PHKB: variants seen among roughly 807,000 people sequenced by gnomAD.
PHKB encodes phosphorylase b kinase regulatory subunit beta.
Under a neutral mutation model 152.1 loss-of-function variants are expected in PHKB, and 122 were observed. The ratio of observed to expected loss-of-function variants is 0.80; its 90% CI spans 0.69 to 0.93. The LOEUF (loss-of-function observed/expected upper bound fraction) is 0.93, where lower values mean the gene tolerates loss of function less well. Among genes scored for constraint, PHKB ranks in the 40% least tolerant of loss-of-function variants. The pLI is 0.00. For missense variants in PHKB, 1,304 were observed against 1,328.4 expected (o/e 0.98, Z 0.29); for synonymous variants, 436 against 464.9 (o/e 0.94, Z 0.80).
intron 7 of PHKB, among the ~76,000 whole-genome samples, chr16:47,553,270 T>C (rs1971306356): frequency 6.6e-6 from 1 of 152,130 alleles, no homozygotes; most frequent in African/African-American, 2.4e-5. Context: ...CTTCTCGCTT[T>C]ATTTCATTAA....
At chr16:47,662,482 A>G (rs1973461502) in intron 23 of PHKB, among the ~76,000 whole-genome samples, 1 of 152,196 alleles carries the variant, frequency 6.6e-6, no homozygotes, top group Non-Finnish European at 1.5e-5. Context: ...ATACTCTGTT[A>G]AGAGGTGTGT....
intron 25 of PHKB, among the ~76,000 whole-genome samples, chr16:47,668,541 C>T (rs1973579633): frequency 6.6e-6 from 1 of 152,160 alleles, no homozygotes; most frequent in Admixed American, 6.5e-5. Context: ...GAGAGACCAG[C>T]TTATTCCCCT....
chr16:47,621,079 G>A (rs1972609914), intron 14 of PHKB, among the ~76,000 whole-genome samples: 1 of 152,198 alleles, frequency 6.6e-6, no homozygotes, highest in South Asian at 2.1e-4. Flanking sequence ...ATTCACTGCA[G>A]TATAATCTGG....
At position 47,665,955 on chromosome 16, in the gene PHKB, C is replaced by T. The variant is rs766475317; in HGVS notation, c.2427+980C>T. 53 of 1,613,702 alleles carry T rather than the reference C, an allele frequency of 3.3e-5. 1 individual carries two copies. The highest frequency in any genetic ancestry group is 2.1e-4 in the African/African-American group (16 of 75,010). On this transcript the variant is annotated intron_variant, in intron 25 of 30. Transcript: ENST00000323584. ...CTTTGCCCCCAGGTCGGTTGTACGC[C>T]GTGCAGCAAGTCTTTTAAGTAAAGT...
intron 7 of PHKB, among the ~76,000 whole-genome samples, chr16:47,554,527 G>C (rs893507670): frequency 1.3e-5 from 2 of 148,456 alleles, no homozygotes; most frequent in African/African-American, 2.5e-5. Flanking sequence ...GGAGTGAACG[G>C]TTCTGTCTCC....
intron 7 of PHKB, among the ~76,000 whole-genome samples, chr16:47,555,265 T>C (rs572428500): frequency 6.6e-6 from 1 of 152,358 alleles, no homozygotes; most frequent in African/African-American, 2.4e-5. Context: ...AATTCACTTG[T>C]ATTTTTTGAA....
In PHKB at chr16:47,547,455, T is replaced by C; in HGVS notation, c.617T>C (p.Val206Ala). The change falls in exon 7 of 31, where the codon GTA becomes GCA. Residue 206 changes from valine (V) to alanine (A), a missense_variant. Physicochemically the swap from Val to Ala is moderately conservative, Grantham distance 64. Coordinates refer to ENST00000323584, the MANE Select transcript of PHKB (RefSeq NM_000293.3). ...TAGGTCTCTTTTATTCAAAACCTTG[T>C]ATTTTGTGTGGAAAGAGTTTACCGT... ...TDEVSFIQNLVFCVERVYRVP... is the reference protein window; with the variant it reads ...TDEVSFIQNLAFCVERVYRVP... The C allele has an allele frequency of 3.1e-6, 5 of 1,609,078 alleles. No homozygotes were observed. Among genetic ancestry groups the C allele is most frequent in the South Asian group, 1.1e-5 (1 of 90,980 alleles).
intron 7 of PHKB, among the ~76,000 whole-genome samples, chr16:47,557,575 A>G (rs1597083702): frequency 1.3e-5 from 2 of 152,360 alleles, no homozygotes; most frequent in Non-Finnish European, 1.5e-5. Flanking sequence ...TGGGCAAAGG[A>G]CATGAACAGA....
At chr16:47,559,719 ACCTAGACT>A (rs1057064110) in intron 7 of PHKB, among the ~76,000 whole-genome samples, 1 of 152,104 alleles carries the variant, frequency 6.6e-6, no homozygotes, top group African/African-American at 2.4e-5. Context: ...CCTGTCTATG[ACCTAGACT>A]CAGAAGTCAT....
chr16:47,632,301 A>G (rs1972841648), intron 14 of PHKB, among the ~76,000 whole-genome samples: 1 of 152,210 alleles, frequency 6.6e-6, no homozygotes, highest in Non-Finnish European at 1.5e-5. Context: ...ATTTCAGTGT[A>G]AAAGGTTGAC....
At chr16:47,566,136 T>C (rs1224885380) in intron 7 of PHKB, 10 of 654,470 alleles carry the variant, frequency 1.5e-5, no homozygotes, top group Admixed American at 9.6e-5. Context: ...TTGGTCATCA[T>C]AGCGATCCCA....
chr16:47,684,506 C>G (rs952901281), intron 26 of PHKB, among the ~76,000 whole-genome samples: 1 of 152,140 alleles, frequency 6.6e-6, no homozygotes, highest in Non-Finnish European at 1.5e-5. Context: ...GTGGCTCACC[C>G]CTGTAATCCC....
intron 25 of PHKB, chr16:47,665,900 T>A (rs769329252): frequency 1.4e-6 from 2 of 1,412,870 alleles, no homozygotes; most frequent in Non-Finnish European, 2.0e-6. Flanking sequence ...CCTCATCTTT[T>A]AGATTTGTGA....
intron 6 of PHKB, among the ~76,000 whole-genome samples, chr16:47,540,567 C>A (rs530123245): frequency 2.0e-5 from 3 of 152,092 alleles, no homozygotes; most frequent in South Asian, 4.2e-4. Context: ...TCACCCCTGG[C>A]GGCCCAGCTG....
intron 7 of PHKB, among the ~76,000 whole-genome samples, chr16:47,577,787 T>C (rs1189664356): frequency 6.6e-6 from 1 of 152,176 alleles, no homozygotes; most frequent in Non-Finnish European, 1.5e-5. Context: ...ATTTTTTTCT[T>C]TGTCTTTAAT....
rs529978412 is a variant in PHKB at position 47,642,873 on chromosome 16, G to T, written c.1608+1181G>T. Among the ~76,000 whole-genome samples, 11 of 152,258 alleles carry T rather than the reference G, an allele frequency of 7.2e-5. No homozygotes were observed. The South Asian group carries it at 2.1e-3, about 29-fold the overall frequency. On this transcript the variant is annotated intron_variant, in intron 16 of 30. Transcript: ENST00000323584. ...TAACAATTTAAACTCACGCCCAGAT[G>T]TACATAATGGTACAAGGCAAGGAGC... is the stretch of plus-strand genomic sequence containing the variant.
intron 14 of PHKB, among the ~76,000 whole-genome samples, chr16:47,616,903 G>T (rs1567329001): frequency 6.6e-6 from 1 of 151,098 alleles, no homozygotes; most frequent in South Asian, 2.1e-4. Context: ...AAAGGGATGG[G>T]TCTGGCTAGT....
rs577928985 is a variant in PHKB at position 47,576,676 on chromosome 16, C to T, written c.711-3619C>T. ...ACATTTAGGATTGCTATGTCTTCTTCGTGGATTGATCTTTTTCATTATGTA... is the reference window on the plus strand; with the variant it reads ...ACATTTAGGATTGCTATGTCTTCTTTGTGGATTGATCTTTTTCATTATGTA... On this transcript the variant is annotated intron_variant, in intron 7 of 30. Transcript: ENST00000323584. 2.5e-4 allele frequency among the ~76,000 whole-genome samples: 38 copies of T among 152,248 alleles called. No individual in the cohort carries two copies. The South Asian group carries it at 3.7e-3, about 15-fold the overall frequency.
At chr16:47,556,314 G>T (rs1476047356) in intron 7 of PHKB, among the ~76,000 whole-genome samples, 1 of 152,164 alleles carries the variant, frequency 6.6e-6, no homozygotes, top group East Asian at 1.9e-4. Context: ...TGTTGAATAG[G>T]AGTGGTGAGA....
Sources: allele counts gnomAD v4.1 joint callset (sites outside exome capture counted in the v4.1 genomes callset), GRCh38; gene constraint gnomAD v4.1.1; transcripts MANE v1.5; gene names NCBI Gene and HGNC (gene_info 2026-07-23, HGNC 2026-07-21).